PPP1R13B: variants seen among roughly 807,000 people sequenced by gnomAD.
The protein encoded by PPP1R13B is protein phosphatase 1 regulatory subunit 13B, also known as apoptosis-stimulating of p53 protein 1.
In PPP1R13B, 44 loss-of-function variants were observed where a neutral mutation model predicts 119.8. The observed-to-expected ratio is 0.37, with a 90% confidence interval of 0.29 to 0.47. The LOEUF is 0.47. PPP1R13B is among the 20% of genes least tolerant of loss of function. The probability of loss-of-function intolerance (pLI) is 0.99; values close to 1 mark genes in which losing one functional copy is unlikely to be tolerated. For synonymous variants in PPP1R13B, 542 were observed against 561.5 expected (o/e 0.97, Z 0.49); for missense variants, 1,227 against 1,413.5 (o/e 0.87, Z 2.12).
intron 8 of PPP1R13B, chr14:103,746,777 A>G: frequency 2.5e-6 from 1 of 399,132 alleles, no homozygotes; most frequent in Non-Finnish European, 4.5e-6. Context: ...CTGGAGCTGT[A>G]CACATGAGGA....
At chr14:103,775,447 G>C (rs572062472) in intron 4 of PPP1R13B, among the ~76,000 whole-genome samples, 2 of 152,076 alleles carry the variant, frequency 1.3e-5, no homozygotes, top group South Asian at 2.1e-4. Flanking sequence ...GCTAATTTTT[G>C]TATCTTTAGT....
At chr14:103,778,894 T>C in intron 3 of PPP1R13B, 73 bp from the exon 4 acceptor site, 1 of 1,156,852 alleles carries the variant, frequency 8.6e-7, no homozygotes, top group Non-Finnish European at 1.3e-6. Context: ...TTTCTTCATG[T>C]ATTCAAATAT....
Position 103,794,251 on chromosome 14 carries a change from T to A in PPP1R13B, c.157+3120A>T, listed in dbSNP as rs528057045. Among the ~76,000 whole-genome samples the A allele has an allele frequency of 5.9e-5, 9 of 152,060 alleles. No individual in the cohort carries two copies. The South Asian group carries it at 1.0e-3, about 18-fold the overall frequency. ...CGGCTCTACTGGAAAGCACTGATAATTACTATTGAAGGATTCTATCTACGA... is the reference window on the plus strand; with the variant it reads ...CGGCTCTACTGGAAAGCACTGATAAATACTATTGAAGGATTCTATCTACGA... On this transcript the variant is annotated intron_variant, in intron 2 of 16. Coordinates refer to ENST00000202556, the MANE Select transcript of PPP1R13B (RefSeq NM_015316.3).
In PPP1R13B at chr14:103,754,239, C is replaced by T. The variant is rs1052782740; in HGVS notation, c.462G>A (p.Gln154=). 5 of 1,601,330 alleles carry T rather than the reference C, an allele frequency of 3.1e-6. No homozygotes were observed. The highest frequency in any genetic ancestry group is 4.3e-6 in the Non-Finnish European group (5 of 1,175,338). ...NQQQMLVAKE[Q]RLHFLKQQER... ...CCTGTTGCTTTAGAAAATGTAAACG[C>T]TGTTCCTAACAAAAGAAAGAAAAAT... The change falls in exon 6 of 17, where the codon CAG becomes CAA. Residue 154 remains glutamine (Q), a synonymous_variant. Transcript: ENST00000202556.
chr14:103,737,069 C>G (rs913601737), intron 15 of PPP1R13B: 6 of 152,164 alleles, frequency 3.9e-5, no homozygotes, highest in Non-Finnish European at 8.8e-5. Context: ...AGGAAAGGAG[C>G]TGGCCCTGCT....
At chr14:103,838,621 G>A (rs568479248) in intron 1 of PPP1R13B, among the ~76,000 whole-genome samples, 3 of 152,192 alleles carry the variant, frequency 2.0e-5, no homozygotes, top group Admixed American at 1.3e-4. Flanking sequence ...CCCAGAAAAA[G>A]ACACGGCAGG....
chr14:103,780,629 A>G (rs1356232586), intron 3 of PPP1R13B, among the ~76,000 whole-genome samples: 1 of 151,738 alleles, frequency 6.6e-6, no homozygotes, highest in African/African-American at 2.4e-5. Context: ...CCTGGCCAAC[A>G]TGGTGAAACC....
intron 1 of PPP1R13B, among the ~76,000 whole-genome samples, chr14:103,829,378 T>A (rs2086619293): frequency 6.6e-6 from 1 of 152,214 alleles, no homozygotes; most frequent in Non-Finnish European, 1.5e-5. Context: ...AAAGCAAGAA[T>A]GTCTTTGAAC....
At position 103,789,904 on chromosome 14, in the gene PPP1R13B, G is replaced by A. The variant is rs1197523336; in HGVS notation, c.158-4990C>T. ...ACAAACATGTCTGACAGTTTTTGAA[G>A]ATGAGGTGTAAGATAAAGAGGAGAA... On this transcript the variant is annotated intron_variant, in intron 2 of 16. Transcript: ENST00000202556. Among the ~76,000 whole-genome samples, 4 of 152,240 alleles carry A rather than the reference G, an allele frequency of 2.6e-5. No individual in the cohort carries two copies. The East Asian group carries it at 7.7e-4, about 29-fold the overall frequency.
chr14:103,755,180 A>G (rs1254213855), intron 5 of PPP1R13B, among the ~76,000 whole-genome samples: 1 of 151,996 alleles, frequency 6.6e-6, no homozygotes, highest in Non-Finnish European at 1.5e-5. Flanking sequence ...TCTCCTCTTC[A>G]CTCTATCACA....
chr14:103,828,300 C>G (rs1485808780), intron 1 of PPP1R13B, among the ~76,000 whole-genome samples: 1 of 141,592 alleles, frequency 7.1e-6, no homozygotes, highest in South Asian at 2.2e-4. Context: ...ACCTGGGAGG[C>G]AGAGACTGCA....
At chr14:103,847,659 C>G, upstream of PPP1R13B, 6 of 973,918 alleles carry the variant, frequency 6.2e-6, no homozygotes, top group Non-Finnish European at 7.3e-6. Flanking sequence ...GTAGCCCCCT[C>G]TGATTGGCCC....
intron 3 of PPP1R13B, among the ~76,000 whole-genome samples, chr14:103,784,232 A>G (rs991874768): frequency 1.3e-5 from 2 of 152,020 alleles, no homozygotes; most frequent in African/African-American, 4.8e-5. Context: ...ATGTCTGAGT[A>G]CGTTGTTTAA....
chr14:103,741,770 A>G lies in PPP1R13B; in HGVS notation c.1822+20T>C, dbSNP rs552337227. 5 of 1,585,548 alleles carry G rather than the reference A, an allele frequency of 3.2e-6. No individual in the cohort carries two copies. Among genetic ancestry groups the G allele is most frequent in the African/African-American group, 1.4e-5 (1 of 73,790 alleles). Reference sequence around the variant, plus strand: ...ATAATTTCCTAGCCCCAAGAAAAGGAGAGTATAAACCCACTCTACCTGCTT... The same window carrying G: ...ATAATTTCCTAGCCCCAAGAAAAGGGGAGTATAAACCCACTCTACCTGCTT... On this transcript the variant is annotated intron_variant, in intron 11 of 16. Coordinates refer to ENST00000202556, the MANE Select transcript of PPP1R13B (RefSeq NM_015316.3).
chr14:103,783,413 C>T (rs1487943893), intron 3 of PPP1R13B, among the ~76,000 whole-genome samples: 1 of 151,830 alleles, frequency 6.6e-6, no homozygotes, highest in Non-Finnish European at 1.5e-5. Context: ...GCGCACACCA[C>T]CACATCGGGC....
In PPP1R13B at chr14:103,847,369, G is replaced by A. The variant is rs2087075684; in HGVS notation, c.-62C>T. On this transcript the variant is annotated 5_prime_UTR_variant, in exon 1 of 17. Coordinates refer to ENST00000202556, the MANE Select transcript of PPP1R13B (RefSeq NM_015316.3). ...GACAGGACGCTCCGCGCCGAGCTGT[G>A]CCCACCGCTCCGGCCGCCTCCTAAG... 2 of 1,139,614 alleles carry A rather than the reference G, an allele frequency of 1.8e-6. No individual in the cohort carries two copies. Among genetic ancestry groups the A allele is most frequent in the Non-Finnish European group, 2.2e-6 (2 of 922,556 alleles). 70.6% of individuals were successfully genotyped at this position (1,139,614 alleles called of 1,614,324 possible).
In PPP1R13B at chr14:103,740,184, C is replaced by G. The variant is rs1383964078; in HGVS notation, c.2232G>C (p.Gln744His). Reference protein sequence around the residue: ...AGGMEGTPFYQPSPSQDFMGT... With the variant: ...AGGMEGTPFYHPSPSQDFMGT... ...CCATGAAGTCCTGGGAGGGGCTGGG[C>G]TGGTAGAAAGGGGTGCCCTCCATGC... The change falls in exon 12 of 17, where the codon CAG becomes CAC. Residue 744 changes from glutamine to histidine, a missense_variant. Coordinates refer to ENST00000202556, the MANE Select transcript of PPP1R13B (RefSeq NM_015316.3). This position sits in a 1 kb window ranked among gnomAD's most constrained non-coding sequence, Gnocchi z 4.6. The G allele has an allele frequency of 6.2e-7, 1 of 1,613,792 alleles. No homozygotes were observed. The highest frequency in any genetic ancestry group is 1.3e-5 in the African/African-American group (1 of 75,048).
At chr14:103,828,085 G>A (rs796769962) in intron 1 of PPP1R13B, among the ~76,000 whole-genome samples, 66 of 152,138 alleles carry the variant, frequency 4.3e-4, no homozygotes, top group African/African-American at 1.4e-3. Flanking sequence ...TAAAAAGCAC[G>A]GCCGGGTGCA....
chr14:103,735,051 A>T lies in PPP1R13B; in HGVS notation c.*103T>A, dbSNP rs1337130338. ...GACGCTGTCTGCTAAAGTGAGCACC[A>T]TTAAGACCATTTTCTAGCTGCAGCT... On this transcript the variant is annotated 3_prime_UTR_variant, in exon 17 of 17. Transcript: ENST00000202556. 7.5e-7 allele frequency: 1 copy of T among 1,331,716 alleles called. No homozygotes were observed. Among genetic ancestry groups the T allele is most frequent in the Admixed American group, 1.7e-5 (1 of 57,256 alleles). The allele number at this position is 1,331,716 out of a possible 1,614,324, so 82.5% of individuals were successfully genotyped here.
Sources: gnomAD v4.1 joint callset for allele counts (sites outside exome capture counted in the v4.1 genomes callset) on GRCh38, gnomAD v4.1.1 for gene constraint, Gnocchi (gnomAD v3.1) non-coding constraint, MANE v1.5 for transcripts, NCBI Gene and HGNC (gene_info 2026-07-23, HGNC 2026-07-21) for gene names.